Variants in SIGLEC1 observed in about 807,000 individuals in gnomAD.
The protein encoded by SIGLEC1 is sialoadhesin.
SIGLEC1 carries 132 observed loss-of-function variants against 148.0 expected under a neutral mutation model. That is an observed-to-expected ratio of 0.89 (90% confidence interval 0.77 to 1.03). The LOEUF (loss-of-function observed/expected upper bound fraction) is 1.03, where lower values mean the gene tolerates loss of function less well. Among genes scored for constraint, SIGLEC1 ranks in the 50% least tolerant of loss-of-function variants. The pLI is 0.00. For synonymous variants in SIGLEC1, 945 were observed against 969.0 expected (o/e 0.98, Z 0.46); for missense variants, 2,253 against 2,271.4 (o/e 0.99, Z 0.16).
rs1379570649 is a variant in SIGLEC1, at chr20:3,712,574, C to T, written c.-214G>A. 1.3e-5 allele frequency among the ~76,000 whole-genome samples: 2 copies of T among 152,118 alleles called. No homozygotes were observed. The highest frequency in any genetic ancestry group is 6.5e-5 in the Admixed American group (1 of 15,276). On this transcript the variant is annotated 5_prime_UTR_variant, in exon 1 of 22. Transcript: ENST00000344754. ...TGCAGCTGGCTCCCCAGGGCTCTGC[C>T]GGCTCAAGAGAGAAGGATCCCGTAT...
Position 3,688,463 on chromosome 20 carries a change from G to T in SIGLEC1, c.*97C>A. Reference sequence around the variant, plus strand: ...ATGTCACAGAGCTGTTTTCGTAGAGGCGGGCAGGACTCAACACTGCCTCAT... The same window carrying T: ...ATGTCACAGAGCTGTTTTCGTAGAGTCGGGCAGGACTCAACACTGCCTCAT... On this transcript the variant is annotated 3_prime_UTR_variant, in exon 22 of 22. Coordinates refer to ENST00000344754, the MANE Select transcript of SIGLEC1 (RefSeq NM_023068.4). 1 of 1,032,384 alleles carries T rather than the reference G, an allele frequency of 9.7e-7. No individual in the cohort carries two copies. The highest frequency in any genetic ancestry group is 1.5e-6 in the Non-Finnish European group (1 of 675,570). The allele number at this position is 1,032,384 out of a possible 1,614,324, so 64.0% of individuals were successfully genotyped here.
In SIGLEC1 at chr20:3,688,637, C is replaced by G. The variant is rs868619482; in HGVS notation, c.5071-18G>C. On this transcript the variant is annotated intron_variant, in intron 21 of 21. Transcript: ENST00000344754. ...TCAATGAGCTTCCCACAGAGAAAAC[C>G]CTGGTCACAGGAGGCCTCTGGGAGC... 3 of 1,578,666 alleles carry G rather than the reference C, an allele frequency of 1.9e-6. No homozygotes were observed. Among genetic ancestry groups the G allele is most frequent in the Non-Finnish European group, 1.7e-6 (2 of 1,161,582 alleles).
chr20:3,691,311 C>T, intron 18 of SIGLEC1, 29 bp downstream of exon 18: 1 of 1,611,200 alleles, frequency 6.2e-7, no homozygotes, highest in Non-Finnish European at 8.5e-7. Context: ...TGTGGGGAGA[C>T]TAAGGCGGAG....
At chr20:3,697,768 C>T in intron 9 of SIGLEC1, 30 bp downstream of exon 9, 1 of 1,603,672 alleles carries the variant, frequency 6.2e-7, no homozygotes, top group Admixed American at 1.7e-5. Context: ...AGCCCCTGCC[C>T]CCAGGCCACC....
chr20:3,704,246 T>C (rs2087876440), intron 4 of SIGLEC1, among the ~76,000 whole-genome samples, 155 bp from the exon 5 acceptor site: 1 of 152,212 alleles, frequency 6.6e-6, no homozygotes, highest in Non-Finnish European at 1.5e-5. Context: ...ATGCTCTGTC[T>C]GCCCATGTCC....
chr20:3,693,298 C>T lies in SIGLEC1; in HGVS notation c.3508+149G>A, dbSNP rs115966992. The T allele has an allele frequency of 2.3e-3, 2,692 of 1,167,680 alleles. 38 individuals carry two copies. In the African/African-American group the frequency reaches 0.037, roughly 16 times the overall value. 72.3% of individuals were successfully genotyped at this position (1,167,680 alleles called of 1,614,324 possible). The stretch of plus-strand genomic sequence containing the variant: ...GCCCAGACAGGACTCACCCCAGCGC[C>T]CCCTACTCTTAATGCTCCTTGCCCA... On this transcript the variant is annotated intron_variant, in intron 14 of 21. Transcript: ENST00000344754.
Position 3,692,101 on chromosome 20 carries a change from C to T in SIGLEC1, c.4132G>A (p.Ala1378Thr). The change falls in exon 17 of 22, where the codon GCC (alanine) becomes ACC (threonine). Residue 1378 changes from alanine to threonine, a missense_variant. Ala to Thr is a moderately conservative substitution (Grantham distance 58). Transcript: ENST00000344754. ...AGCACCTTGCCATCATGAGATAGGG[C>T]CAGCTCAGCAGGTGGCTCACTGTCC... is the stretch of plus-strand genomic sequence containing the variant. ...TVDSEPPAEL[A>T]LSHDGKVLAT... 1 of 1,608,222 alleles carries T rather than the reference C, an allele frequency of 6.2e-7. No homozygotes were observed. Among genetic ancestry groups the T allele is most frequent in the Admixed American group, 1.7e-5 (1 of 59,732 alleles).
intron 7 of SIGLEC1, among the ~76,000 whole-genome samples, chr20:3,700,540 T>C (rs886672179): frequency 1.3e-5 from 2 of 151,648 alleles, no homozygotes; most frequent in African/African-American, 2.4e-5. Flanking sequence ...GCCATGAACA[T>C]ACCATTGCAC....
At chr20:3,695,136 C>CT (rs1442664133) in intron 11 of SIGLEC1, among the ~76,000 whole-genome samples, 52 of 152,336 alleles carry the variant, frequency 3.4e-4, no homozygotes, top group African/African-American at 1.2e-3. Flanking sequence ...ATTTACCTCC[C>CT]ACCACCTGGT....
chr20:3,697,820 G>C lies in SIGLEC1; in HGVS notation c.2100C>G (p.Thr700=). 1 of 1,612,850 alleles carries C rather than the reference G, an allele frequency of 6.2e-7. No homozygotes were observed. The highest frequency in any genetic ancestry group is 8.5e-7 in the Non-Finnish European group (1 of 1,179,956). The stretch of plus-strand genomic sequence containing the variant: ...CACCCTGGCCATTGAAGGTGGCTGA[G>C]GTGGAGGCGTTGCCCAGGGCATTGC... ...EASNALGNAS[T]SATFNGQATV... is the part of the protein sequence containing the mutation. The change falls in exon 9 of 22, where the codon ACC becomes ACG. Residue 700 remains threonine (T), a synonymous_variant. Coordinates refer to ENST00000344754, the MANE Select transcript of SIGLEC1 (RefSeq NM_023068.4).
At chr20:3,696,993 C>T in intron 10 of SIGLEC1, 92 bp downstream of exon 10, 1 of 1,551,968 alleles carries the variant, frequency 6.4e-7, no homozygotes, top group South Asian at 1.2e-5. Context: ...AAGCCATGCT[C>T]TTTCCTCCCC....
chr20:3,687,489 A>AG lies in SIGLEC1; in HGVS notation c.*1070dup, dbSNP rs772065480. 1.3e-5 allele frequency: 2 copies of AG among 152,210 alleles called. No individual in the cohort carries two copies. Among genetic ancestry groups the AG allele is most frequent in the Non-Finnish European group, 2.9e-5 (2 of 68,072 alleles). 9.4% of individuals were successfully genotyped at this position (152,210 alleles called of 1,614,324 possible). On this transcript the variant is annotated 3_prime_UTR_variant, in exon 22 of 22. Transcript: ENST00000344754. ...GGTAGGGGGGGTGGTGGTGGGAATG[A>AG]GGGCATCTCTTCTTTCAGGGGCCAA...
At position 3,691,345 on chromosome 20, in the gene SIGLEC1, A is replaced by T; in HGVS notation, c.4586T>A (p.Val1529Glu). ...AAASAPVMLR[V>E]LYPPKTPTMM... ...AGGAGGGGGTTCACACTCACAGAGC[A>T]CACGGAGCATGACTGGAGCAGAGGC... is the stretch of plus-strand genomic sequence containing the variant. Residue 1529 changes from valine to glutamate, a missense_variant, in exon 18 of 22, where the codon GTG becomes GAG. Val to Glu is a moderately radical substitution (Grantham distance 121). Transcript: ENST00000344754. The T allele has an allele frequency of 6.2e-7, 1 of 1,613,482 alleles. No homozygotes were observed. The highest frequency in any genetic ancestry group is 1.1e-5 in the South Asian group (1 of 91,082).
chr20:3,697,021 C>T (rs1456012983), intron 10 of SIGLEC1, 64 bp downstream of exon 10: 1 of 1,578,806 alleles, frequency 6.3e-7, no homozygotes, highest in Admixed American at 1.7e-5. Context: ...AGCCCGGCCC[C>T]TGCTTCTCCC....
At chr20:3,692,500 G>C in intron 16 of SIGLEC1, 21 bp downstream of exon 16, 1 of 1,569,408 alleles carries the variant, frequency 6.4e-7, no homozygotes, top group Non-Finnish European at 8.6e-7. Context: ...GGGCAGCCCT[G>C]GCCAAGGACC....
rs757222868 is a variant in SIGLEC1, at chr20:3,698,026, C to CG, written c.1893dup (p.Ala632ArgfsTer59). 49 of 1,608,788 alleles carry CG rather than the reference C, an allele frequency of 3.0e-5. No individual in the cohort carries two copies. Among genetic ancestry groups the CG allele is most frequent in the Middle Eastern group, 1.7e-4 (1 of 5,888 alleles). On this transcript the variant is annotated frameshift_variant, in exon 9 of 22. Coordinates refer to ENST00000344754, the MANE Select transcript of SIGLEC1 (RefSeq NM_023068.4). LOFTEE classifies it high-confidence loss of function. Reference sequence around the variant, plus strand: ...TCCTTGTGGAGCAGCTGCAGCCTGGCGGGGGGGTCGCTGTCCACACGGCAC... The same window carrying CG: ...TCCTTGTGGAGCAGCTGCAGCCTGGCGGGGGGGGTCGCTGTCCACACGGCAC...
Position 3,706,361 on chromosome 20 carries a change from A to G in SIGLEC1, c.395T>C (p.Leu132Ser). The G allele has an allele frequency of 6.2e-7, 1 of 1,610,654 alleles. No individual in the cohort carries two copies. Among genetic ancestry groups the G allele is most frequent in the South Asian group, 1.1e-5 (1 of 91,042 alleles). ...VNRWSDVKGT[L>S]VTVTEEPRVP... is the part of the protein sequence containing the mutation. ...CCACTTATCACCTGTTACTGTGACC[A>G]AGGTGCCTTTCACATCTGACCAGCG... The change falls in exon 3 of 22, where the codon TTG becomes TCG. Residue 132 changes from leucine (L) to serine (S), a missense_variant. Coordinates refer to ENST00000344754, the MANE Select transcript of SIGLEC1 (RefSeq NM_023068.4).
intron 8 of SIGLEC1, among the ~76,000 whole-genome samples, chr20:3,698,442 G>C (rs1285986219): frequency 1.3e-5 from 2 of 152,338 alleles, no homozygotes; most frequent in African/African-American, 4.8e-5. Context: ...ATCTGCTGCT[G>C]AGCAGGGTGC....
At chr20:3,706,191 A>G (rs867994515) in intron 3 of SIGLEC1, 151 bp from the exon 4 acceptor site, 20 of 1,311,112 alleles carry the variant, frequency 1.5e-5, no homozygotes, top group Middle Eastern at 2.3e-4. Context: ...GGGTGAATAC[A>G]AGGGAGAACC....
Sources: gnomAD v4.1 joint callset for allele counts (sites outside exome capture counted in the v4.1 genomes callset) on GRCh38, gnomAD v4.1.1 for gene constraint, MANE v1.5 for transcripts, NCBI Gene and HGNC (gene_info 2026-07-23, HGNC 2026-07-21) for gene names.